The following CPNE2 variants were observed in gnomAD, a reference collection of about 807,000 sequenced individuals.
CPNE2 encodes the protein copine-2.
CPNE2 carries 42 observed loss-of-function variants against 69.7 expected under a neutral mutation model. The observed-to-expected ratio is 0.60, with a 90% confidence interval of 0.47 to 0.78. The LOEUF (loss-of-function observed/expected upper bound fraction) is 0.78, where lower values mean the gene tolerates loss of function less well. Ranked by LOEUF, CPNE2 falls within the 30% of genes least tolerant of loss-of-function variation. The probability of loss-of-function intolerance (pLI) is 0.00; values close to 1 mark genes in which losing one functional copy is unlikely to be tolerated. For synonymous variants in CPNE2, 294 were observed against 289.8 expected (o/e 1.01, Z -0.15); for missense variants, 587 against 732.0 (o/e 0.80, Z 2.29).
intron 1 of CPNE2, among the ~76,000 whole-genome samples, chr16:57,108,148 G>C (rs2069659429): frequency 6.6e-6 from 1 of 152,176 alleles, no homozygotes; most frequent in African/African-American, 2.4e-5. Context: ...GGGATTACAG[G>C]CATGAGCCCA....
intron 1 of CPNE2, among the ~76,000 whole-genome samples, chr16:57,102,662 C>G (rs1315025412): frequency 6.6e-6 from 1 of 151,126 alleles, no homozygotes; most frequent in Non-Finnish European, 1.5e-5. Context: ...AGTGCAGTGG[C>G]ACGATCTCAG....
At chr16:57,094,833 G>A (rs72775201) in intron 1 of CPNE2, among the ~76,000 whole-genome samples, 13,364 of 152,152 alleles carry the variant, frequency 0.088, 634 homozygotes, top group Non-Finnish European at 0.1. Flanking sequence ...AGAAGTGGTA[G>A]GTCTCATCCA....
rs538775810 is a variant in CPNE2, at chr16:57,102,210, A to G, written c.-35-8498A>G. On this transcript the variant is annotated intron_variant, in intron 1 of 15. Transcript: ENST00000290776. ...CGAGATCCACCTGCCTCGGCCTCCC[A>G]AAGTGCGGGGATAACAGGAGTGAGC... Among the ~76,000 whole-genome samples the G allele has an allele frequency of 1.1e-4, 16 of 152,158 alleles. 2 individuals are homozygous for G. In the South Asian group the frequency reaches 3.1e-3, roughly 30 times the overall value.
Position 57,147,784 on chromosome 16 carries a change from G to C in CPNE2, c.*126G>C, listed in dbSNP as rs1368284639. On this transcript the variant is annotated 3_prime_UTR_variant, in exon 16 of 16. Coordinates refer to ENST00000290776, the MANE Select transcript of CPNE2 (RefSeq NM_152727.6). The stretch of plus-strand genomic sequence containing the variant: ...TCCCCTTTTTTATTTTTTACAACCG[G>C]ACCTCCACCCCCAACTTCCTCCAGC... The C allele has an allele frequency of 1.8e-6, 1 of 544,358 alleles. No individual in the cohort carries two copies. Among genetic ancestry groups the C allele is most frequent in the Non-Finnish European group, 3.0e-6 (1 of 334,266 alleles). The allele number at this position is 544,358 out of a possible 1,614,324, so 33.7% of individuals were successfully genotyped here.
chr16:57,119,133 C>T (rs1430886983), intron 5 of CPNE2, 62 bp from the exon 6 acceptor site: 3 of 1,452,886 alleles, frequency 2.1e-6, no homozygotes, highest in Non-Finnish European at 2.9e-6. Flanking sequence ...GGGCCACACC[C>T]CCATCTGCCT....
At chr16:57,107,946 C>G (rs1352722115) in intron 1 of CPNE2, among the ~76,000 whole-genome samples, 1 of 149,410 alleles carries the variant, frequency 6.7e-6, no homozygotes, top group African/African-American at 2.5e-5. Context: ...TCTCAGCTCA[C>G]AGCAATCTCC....
chr16:57,138,245 G>A (rs1263915065), intron 14 of CPNE2, among the ~76,000 whole-genome samples: 1 of 152,136 alleles, frequency 6.6e-6, no homozygotes, highest in Non-Finnish European at 1.5e-5. Flanking sequence ...AAAGAAGAGG[G>A]TTGCTGAAGT....
At chr16:57,095,247 A>T (rs543723385) in intron 1 of CPNE2, among the ~76,000 whole-genome samples, 1 of 152,226 alleles carries the variant, frequency 6.6e-6, no homozygotes, top group East Asian at 1.9e-4. Context: ...GCATCTAGAA[A>T]AGTCCACAAT....
intron 11 of CPNE2, among the ~76,000 whole-genome samples, chr16:57,126,991 C>T (rs1429669717): frequency 2.0e-5 from 3 of 152,180 alleles, no homozygotes; most frequent in African/African-American, 7.2e-5. Context: ...CTGTGTGTCC[C>T]CTCCACGGCA....
At chr16:57,113,884 C>T (rs1203640389) in intron 3 of CPNE2, among the ~76,000 whole-genome samples, 2 of 152,214 alleles carry the variant, frequency 1.3e-5, no homozygotes, top group African/African-American at 4.8e-5. Context: ...CTCCTGGAGG[C>T]CGGGAGCAAG....
At chr16:57,134,949 G>A in intron 13 of CPNE2, 123 bp downstream of exon 13, 1 of 1,074,582 alleles carries the variant, frequency 9.3e-7, no homozygotes, top group Non-Finnish European at 1.4e-6. Context: ...CCTTACTGTT[G>A]CTCAGAGTGA....
chr16:57,109,615 C>T (rs1262099741), intron 1 of CPNE2, among the ~76,000 whole-genome samples: 1 of 152,162 alleles, frequency 6.6e-6, no homozygotes, highest in African/African-American at 2.4e-5. Context: ...TTCATGCCTC[C>T]CCTTTTTAGA....
Position 57,092,958 on chromosome 16 carries a change from G to A in CPNE2, c.-36+168G>A, listed in dbSNP as rs533473292. On this transcript the variant is annotated intron_variant, in intron 1 of 15. Coordinates refer to ENST00000290776, the MANE Select transcript of CPNE2 (RefSeq NM_152727.6). This position sits in a 1 kb window ranked among gnomAD's most constrained non-coding sequence, Gnocchi z 5.3. ...GCGCGAACCCGGACTCCGGCGCTTCGGTGACTCAGCTCCGACCCGGCCACG... is the reference window on the plus strand; with the variant it reads ...GCGCGAACCCGGACTCCGGCGCTTCAGTGACTCAGCTCCGACCCGGCCACG... Among the ~76,000 whole-genome samples, 187 of 152,190 alleles carry A rather than the reference G, an allele frequency of 1.2e-3. 2 individuals are homozygous for A. The highest frequency in any genetic ancestry group is 4.4e-3 in the African/African-American group (181 of 41,550).
chr16:57,122,905 CT>C (rs34556326), intron 9 of CPNE2, among the ~76,000 whole-genome samples: 89,516 of 145,518 alleles, frequency 0.62, 27,228 homozygotes, highest in Admixed American at 0.68. Context: ...TTTCTTTTCT[CT>C]TTTTTTTTTT....
intron 1 of CPNE2, chr16:57,093,910 C>T: frequency 2.7e-6 from 1 of 375,218 alleles, no homozygotes; most frequent in South Asian, 1.9e-5. Context: ...GATGGGGAGG[C>T]CTGGGAGACC....
At position 57,113,480 on chromosome 16, in the gene CPNE2, C is replaced by G; in HGVS notation, c.360+13C>G. The G allele has an allele frequency of 1.2e-6, 2 of 1,610,728 alleles. No individual in the cohort carries two copies. Among genetic ancestry groups the G allele is most frequent in the Non-Finnish European group, 1.7e-6 (2 of 1,177,952 alleles). ...CAGCCTGGGCACGGTGAGCTGGGCC[C>G]TCCTGGGTGGGAGCAGGGGCCCAAA... is the stretch of plus-strand genomic sequence containing the variant. On this transcript the variant is annotated intron_variant, in intron 3 of 15. Transcript: ENST00000290776.
intron 15 of CPNE2, 116 bp from the exon 16 acceptor site, chr16:57,147,435 T>G: frequency 1.5e-6 from 1 of 670,736 alleles, no homozygotes; most frequent in Non-Finnish European, 2.4e-6. Flanking sequence ...GCAGCCCTAA[T>G]TTTGTCCTCA....
At chr16:57,123,361 T>C (rs1330819709) in intron 9 of CPNE2, 53 bp from the exon 10 acceptor site, 2 of 1,553,710 alleles carry the variant, frequency 1.3e-6, no homozygotes, top group Middle Eastern at 1.7e-4. Flanking sequence ...AACTCCCCCA[T>C]GGGGAGTGTG....
chr16:57,121,583 C>A, intron 8 of CPNE2, 91 bp from the exon 9 acceptor site: 1 of 1,282,776 alleles, frequency 7.8e-7, no homozygotes, highest in South Asian at 1.3e-5. Flanking sequence ...CCCCCATTGT[C>A]AAGCCTGTGG....
Sources: gnomAD v4.1 joint callset for allele counts (sites outside exome capture counted in the v4.1 genomes callset) on GRCh38, gnomAD v4.1.1 for gene constraint, Gnocchi (gnomAD v3.1) non-coding constraint, MANE v1.5 for transcripts, NCBI Gene and HGNC (gene_info 2026-07-23, HGNC 2026-07-21) for gene names.